The following DSCAM variants were observed in gnomAD, a reference collection of about 807,000 sequenced individuals.
The protein encoded by DSCAM is cell adhesion molecule DSCAM.
In DSCAM, 47 loss-of-function variants were observed where a neutral mutation model predicts 217.7. The observed-to-expected ratio is 0.22, with a 90% CI of 0.17 to 0.28. The LOEUF (loss-of-function observed/expected upper bound fraction) is 0.28. Ranked by LOEUF, DSCAM falls within the 10% of genes least tolerant of loss-of-function variation. The probability of loss-of-function intolerance (pLI) is 1.00; values close to 1 mark genes in which losing one functional copy is unlikely to be tolerated. For synonymous variants in DSCAM, 1,056 were observed against 1,015.3 expected (o/e 1.04, Z -0.76); for missense variants, 2,080 against 2,618.3 (o/e 0.79, Z 4.49).
intron 32 of DSCAM, among the ~76,000 whole-genome samples, chr21:40,032,755 CTGG>C (rs1436166901): frequency 6.6e-6 from 1 of 152,128 alleles, no homozygotes; most frequent in Non-Finnish European, 1.5e-5. Context: ...ATTGAAATTG[CTGG>C]AACTCAAGGA....
intron 2 of DSCAM, among the ~76,000 whole-genome samples, chr21:40,702,049 T>C (rs1250000574): frequency 6.6e-6 from 1 of 152,202 alleles, no homozygotes; most frequent in Non-Finnish European, 1.5e-5. Context: ...GCTATAATTT[T>C]TGATATGTCT....
intron 3 of DSCAM, among the ~76,000 whole-genome samples, chr21:40,448,896 A>G (rs1331707100): frequency 1.3e-5 from 2 of 152,180 alleles, no homozygotes; most frequent in Non-Finnish European, 2.9e-5. Context: ...AACAACACAC[A>G]TTTATTTATA....
At chr21:40,844,959 G>A (rs189572493) in intron 1 of DSCAM, among the ~76,000 whole-genome samples, 4 of 152,276 alleles carry the variant, frequency 2.6e-5, no homozygotes, top group Admixed American at 2.6e-4. Flanking sequence ...TCCCTGACAG[G>A]CGAAACAGGG....
intron 2 of DSCAM, among the ~76,000 whole-genome samples, chr21:40,700,872 G>T (rs1485121651): frequency 6.6e-6 from 1 of 151,872 alleles, no homozygotes; most frequent in Non-Finnish European, 1.5e-5. Context: ...AAGTAGCTGG[G>T]ACTAAAGGCA....
At chr21:40,402,365 G>A (rs1030768689) in intron 3 of DSCAM, among the ~76,000 whole-genome samples, 34 of 151,702 alleles carry the variant, frequency 2.2e-4, no homozygotes, top group African/African-American at 7.5e-4. Context: ...CACCACGCCC[G>A]GCTAAAATAT....
intron 4 of DSCAM, among the ~76,000 whole-genome samples, chr21:40,360,322 G>A (rs2074747734): frequency 6.6e-6 from 1 of 151,610 alleles, no homozygotes; most frequent in Non-Finnish European, 1.5e-5. Context: ...TTTTACTAGA[G>A]GCGGGGTTTC....
intron 32 of DSCAM, among the ~76,000 whole-genome samples, chr21:40,033,437 A>C (rs1336262530): frequency 6.6e-6 from 1 of 151,984 alleles, no homozygotes; most frequent in Admixed American, 6.5e-5. Flanking sequence ...AAATCGGGTC[A>C]CTCCCACCCG....
chr21:40,338,457 T>TA (rs1398147089), intron 7 of DSCAM, 81 bp from the exon 8 acceptor site: 17 of 1,401,238 alleles, frequency 1.2e-5, no homozygotes, highest in Non-Finnish European at 7.7e-6. Flanking sequence ...TTCCTTGAGT[T>TA]AAAAATGTAG....
intron 3 of DSCAM, among the ~76,000 whole-genome samples, chr21:40,504,126 G>C (rs956138692): frequency 1.3e-5 from 2 of 152,160 alleles, no homozygotes; most frequent in African/African-American, 4.8e-5. Context: ...GAAATGAACA[G>C]TCTGAGGCTT....
chr21:40,484,633 T>G (rs1004619193), intron 3 of DSCAM, among the ~76,000 whole-genome samples: 3 of 152,158 alleles, frequency 2.0e-5, no homozygotes. Flanking sequence ...GGGTGGTTTT[T>G]TTTCCTCTGG....
At chr21:40,341,857 G>T (rs7280223) in intron 6 of DSCAM, among the ~76,000 whole-genome samples, 1 of 152,002 alleles carries the variant, frequency 6.6e-6, no homozygotes, top group Non-Finnish European at 1.5e-5. Context: ...AGAGCAGTCC[G>T]TATCACCCAT....
intron 3 of DSCAM, among the ~76,000 whole-genome samples, chr21:40,405,088 G>T (rs1340793287): frequency 6.6e-6 from 1 of 152,164 alleles, no homozygotes; most frequent in Non-Finnish European, 1.5e-5. Flanking sequence ...GAGATGCAAA[G>T]GTGAATGGGA....
intron 27 of DSCAM, among the ~76,000 whole-genome samples, chr21:40,068,776 G>A (rs1300705380): frequency 6.6e-6 from 1 of 152,186 alleles, no homozygotes; most frequent in Admixed American, 6.5e-5. Flanking sequence ...CTGGCCTTCA[G>A]TTTTCACGTC....
intron 3 of DSCAM, among the ~76,000 whole-genome samples, chr21:40,495,069 G>A (rs60484780): frequency 0.024 from 3,710 of 152,146 alleles, 138 homozygotes; most frequent in African/African-American, 0.078. Context: ...GATCAGAGAT[G>A]AGTAACAAGA....
intron 3 of DSCAM, among the ~76,000 whole-genome samples, chr21:40,446,734 C>T (rs879706101): frequency 6.6e-5 from 10 of 152,154 alleles, no homozygotes; most frequent in African/African-American, 2.4e-4. Flanking sequence ...CTACTGACTA[C>T]CATTAAATAA....
chr21:40,358,025 G>A (rs2074714759), intron 4 of DSCAM, among the ~76,000 whole-genome samples: 1 of 152,160 alleles, frequency 6.6e-6, no homozygotes, highest in Non-Finnish European at 1.5e-5. Flanking sequence ...AGTAGAAGTA[G>A]AGTTGGAGAA....
intron 3 of DSCAM, among the ~76,000 whole-genome samples, chr21:40,457,000 A>G (rs539318734): frequency 1.3e-4 from 20 of 152,334 alleles, no homozygotes; most frequent in African/African-American, 4.8e-4. Flanking sequence ...TTACTGTAAC[A>G]AAAGTCCATA....
At chr21:40,518,126 T>C (rs1454163550) in intron 3 of DSCAM, among the ~76,000 whole-genome samples, 1 of 150,846 alleles carries the variant, frequency 6.6e-6, no homozygotes, top group Non-Finnish European at 1.5e-5. Context: ...TGAACCTCGA[T>C]ACTGAGTATT....
At chr21:40,088,122 C>T (rs940345904) in intron 21 of DSCAM, among the ~76,000 whole-genome samples, 1 of 152,186 alleles carries the variant, frequency 6.6e-6, no homozygotes, top group Non-Finnish European at 1.5e-5. Flanking sequence ...GAGCCCGGGG[C>T]TTCTCCTGTC....
Sources: allele counts gnomAD v4.1 joint callset (sites outside exome capture counted in the v4.1 genomes callset), GRCh38; gene constraint gnomAD v4.1.1; transcripts MANE v1.5; gene names NCBI Gene and HGNC (gene_info 2026-07-23, HGNC 2026-07-21).